PPP1R1C: variants seen among roughly 807,000 people sequenced by gnomAD.
PPP1R1C encodes protein phosphatase 1 regulatory subunit 1C.
Under a neutral mutation model 17.4 loss-of-function variants are expected in PPP1R1C, and 15 were observed. That is an observed-to-expected ratio of 0.86 (90% CI 0.58 to 1.33). The LOEUF is 1.33. PPP1R1C is among the 40% of genes most tolerant of loss of function. PPP1R1C has a pLI of 0.00. For synonymous variants in PPP1R1C, 35 were observed against 43.1 expected, an observed-to-expected ratio of 0.81 and a Z score of 0.73; for missense variants, 143 against 130.0, an observed-to-expected ratio of 1.10 and a Z score of -0.48.
intron 4 of PPP1R1C, among the ~76,000 whole-genome samples, chr2:182,087,251 G>A (rs1050145473): frequency 2.0e-5 from 3 of 152,122 alleles, no homozygotes; most frequent in Non-Finnish European, 4.4e-5. Flanking sequence ...TATAGTCCTC[G>A]TAATGCCTGC....
intron 2 of PPP1R1C, among the ~76,000 whole-genome samples, chr2:182,027,849 T>C (rs1686670805): frequency 7.2e-6 from 1 of 139,170 alleles, no homozygotes; most frequent in Admixed American, 7.3e-5. Context: ...CCTGGACTCT[T>C]TTTGGTTGGT....
At chr2:182,081,744 T>C (rs1304800704) in intron 4 of PPP1R1C, among the ~76,000 whole-genome samples, 1 of 152,238 alleles carries the variant, frequency 6.6e-6, no homozygotes, top group African/African-American at 2.4e-5. Flanking sequence ...ACATTAACTA[T>C]GTCTAATGTG....
intron 1 of PPP1R1C, among the ~76,000 whole-genome samples, chr2:181,955,421 T>C (rs1189926438): frequency 6.6e-6 from 1 of 152,172 alleles, no homozygotes; most frequent in Non-Finnish European, 1.5e-5. Flanking sequence ...CATGTGCGTG[T>C]GTTTAAATGT....
At chr2:181,982,049 C>G (rs1685203044), upstream of PPP1R1C, among the ~76,000 whole-genome samples, 1 of 152,128 alleles carries the variant, frequency 6.6e-6, no homozygotes, top group South Asian at 2.1e-4. Flanking sequence ...TTTCAAGATT[C>G]ATGAATTCAA....
chr2:181,998,215 A>G (rs565351324), intron 2 of PPP1R1C, among the ~76,000 whole-genome samples: 1 of 152,268 alleles, frequency 6.6e-6, no homozygotes, highest in East Asian at 1.9e-4. Flanking sequence ...TAACACTGGC[A>G]TTGGTTGTGT....
Position 181,954,918 on chromosome 2 carries a change from C to T in PPP1R1C, n.111+284C>T, listed in dbSNP as rs1022357254. 2.6e-5 allele frequency among the ~76,000 whole-genome samples: 4 copies of T among 152,056 alleles called. No homozygotes were observed. In the South Asian group the frequency reaches 8.3e-4, roughly 32 times the overall value. ...AGTTAAAAACATGGGTTCCATGTTT[C>T]GAAATGGCTAGGACAGGAGCTGTGG... On this transcript the variant is annotated intron_variant and non_coding_transcript_variant, in intron 1 of 5. Coordinates refer to the PPP1R1C transcript ENST00000464264.
Position 181,962,404 on chromosome 2 carries a change from GC to G in PPP1R1C, n.111+7772del. On this transcript the variant is annotated intron_variant and non_coding_transcript_variant, in intron 1 of 5. Coordinates refer to the PPP1R1C transcript ENST00000464264. This position sits in a 1 kb window ranked among gnomAD's most constrained non-coding sequence, Gnocchi z 6.0. ...TGGCCATGCAGCTGGCCGGCCGGGC[GC>G]CGTAGTTGGACACCTGGACAGAGCC... 1.4e-6 allele frequency: 1 copy of G among 726,242 alleles called. No individual in the cohort carries two copies. The highest frequency in any genetic ancestry group is 2.4e-6 in the Non-Finnish European group (1 of 410,470). 45.0% of individuals were successfully genotyped at this position (726,242 alleles called of 1,614,324 possible). A position where few individuals can be genotyped will look rare whatever the true frequency, so the allele number is the denominator to read the frequency against.
chr2:182,022,511 C>T (rs898812385), intron 2 of PPP1R1C, among the ~76,000 whole-genome samples: 1 of 152,208 alleles, frequency 6.6e-6, no homozygotes, highest in Non-Finnish European at 1.5e-5. Context: ...TCTATCCCAA[C>T]TCAGAGTGGC....
At chr2:182,082,144 T>TG (rs1688498948) in intron 4 of PPP1R1C, among the ~76,000 whole-genome samples, 1 of 152,158 alleles carries the variant, frequency 6.6e-6, no homozygotes, top group Non-Finnish European at 1.5e-5. Flanking sequence ...ACAAAGACAT[T>TG]TTTTACACTT....
At chr2:182,119,657 T>C (rs1689683165), downstream of PPP1R1C, among the ~76,000 whole-genome samples, 2 of 152,200 alleles carry the variant, frequency 1.3e-5, no homozygotes, top group South Asian at 4.1e-4. Flanking sequence ...TGATGGCCAG[T>C]GATGATGAGC....
downstream of PPP1R1C, among the ~76,000 whole-genome samples, chr2:182,118,371 C>T (rs1238896318): frequency 6.6e-6 from 1 of 151,932 alleles, no homozygotes; most frequent in Admixed American, 6.6e-5. Flanking sequence ...TTTAATTATA[C>T]ATTATTTGTG....
At chr2:181,958,609 C>A (rs141652852) in intron 1 of PPP1R1C, among the ~76,000 whole-genome samples, 1 of 152,166 alleles carries the variant, frequency 6.6e-6, no homozygotes, top group African/African-American at 2.4e-5. Flanking sequence ...AGCACCAGAT[C>A]AAGATATAGA....
upstream of PPP1R1C, among the ~76,000 whole-genome samples, chr2:181,985,112 T>G (rs115468787): frequency 5.9e-3 from 898 of 152,372 alleles, 7 homozygotes; most frequent in African/African-American, 0.021. This position sits in a 1 kb window ranked among gnomAD's most constrained non-coding sequence, Gnocchi z 4.1. Context: ...CCAGTCATAT[T>G]CTTCCAAGTC....
At chr2:182,124,957 T>A (rs1211937283) in intron 5 of PPP1R1C, among the ~76,000 whole-genome samples, 2 of 152,176 alleles carry the variant, frequency 1.3e-5, no homozygotes, top group Admixed American at 1.3e-4. Context: ...AGAGGGGGCA[T>A]CCTTGTCTTG....
At chr2:182,073,349 G>A (rs1010856467) in intron 4 of PPP1R1C, among the ~76,000 whole-genome samples, 1 of 152,222 alleles carries the variant, frequency 6.6e-6, no homozygotes, top group Non-Finnish European at 1.5e-5. Flanking sequence ...TGGTGAATCA[G>A]TGAGTAAATA....
At chr2:182,000,809 A>G (rs933304259) in intron 2 of PPP1R1C, among the ~76,000 whole-genome samples, 1 of 152,156 alleles carries the variant, frequency 6.6e-6, no homozygotes, top group South Asian at 2.1e-4. Flanking sequence ...CGATTGCTCA[A>G]TGCCTTTCTG....
rs1684695476 is a variant in PPP1R1C, at chr2:181,957,741, G to C, written n.111+3107G>C. 6.6e-6 allele frequency among the ~76,000 whole-genome samples: 1 copy of C among 152,080 alleles called. No homozygotes were observed. Among genetic ancestry groups the C allele is most frequent in the East Asian group, 1.9e-4 (1 of 5,192 alleles). On this transcript the variant is annotated intron_variant and non_coding_transcript_variant, in intron 1 of 5. Transcript: ENST00000464264. The surrounding 1 kb of genome is among the most constrained non-coding windows in gnomAD (Gnocchi z 4.2). ...CACTCAGCTCCCCTTTCCTTGCAAG[G>C]CTTGTACTTTGGACTTTTCTGAACA...
Position 181,992,443 on chromosome 2 carries a change from C to G in PPP1R1C, c.142+4544C>G, listed in dbSNP as rs781246713. On this transcript the variant is annotated intron_variant, in intron 2 of 4. Transcript: ENST00000682840. Reference sequence around the variant, plus strand: ...AAGCCCAGAGCTGGACACAGTCTTCCAGTAAAAAGCCAGCCTAGACCAGGT... The same window carrying G: ...AAGCCCAGAGCTGGACACAGTCTTCGAGTAAAAAGCCAGCCTAGACCAGGT... Among the ~76,000 whole-genome samples the G allele has an allele frequency of 5.2e-5, 7 of 134,720 alleles. 2 individuals carry two copies. The highest frequency in any genetic ancestry group is 1.1e-4 in the African/African-American group (4 of 36,118). The allele number at this position is 134,720 out of a possible 152,430, so 88.4% of individuals were successfully genotyped here.
intron 2 of PPP1R1C, among the ~76,000 whole-genome samples, chr2:182,008,129 T>C (rs1685985469): frequency 6.6e-6 from 1 of 151,732 alleles, no homozygotes; most frequent in Non-Finnish European, 1.5e-5. Context: ...TTTGCATAAA[T>C]GTCTATAAAC....
Sources: allele counts gnomAD v4.1 joint callset (sites outside exome capture counted in the v4.1 genomes callset), GRCh38; gene constraint gnomAD v4.1.1; non-coding constraint Gnocchi (gnomAD v3.1); transcripts MANE v1.5; gene names NCBI Gene and HGNC (gene_info 2026-07-23, HGNC 2026-07-21).